Variants in SRP54 observed in about 807,000 individuals in gnomAD.
SRP54 encodes the protein signal recognition particle 54.
In SRP54, 10 loss-of-function variants were observed where a neutral mutation model predicts 64.8. That is an observed-to-expected ratio of 0.15 (90% CI 0.10 to 0.26). The LOEUF (loss-of-function observed/expected upper bound fraction) is 0.26, where lower values mean the gene tolerates loss of function less well. SRP54 is among the 10% of genes least tolerant of loss of function. The pLI is 1.00. For synonymous variants in SRP54, 193 were observed against 185.6 expected, an observed-to-expected ratio of 1.04 and a Z score of -0.32; for missense variants, 325 against 613.7, an observed-to-expected ratio of 0.53 and a Z score of 4.97.
rs142611015 is a variant in SRP54, at chr14:35,027,462, A to T, written c.1328-626A>T. Reference sequence around the variant, plus strand: ...TAAGCCGTTGTTATAGCTTACTATTAAAAACTGCTGGCTGACCAGGTACGG... The same window carrying T: ...TAAGCCGTTGTTATAGCTTACTATTTAAAACTGCTGGCTGACCAGGTACGG... On this transcript the variant is annotated intron_variant, in intron 14 of 15. Coordinates refer to ENST00000216774, the MANE Select transcript of SRP54 (RefSeq NM_003136.4). 1.4e-4 allele frequency among the ~76,000 whole-genome samples: 22 copies of T among 152,268 alleles called. No individual in the cohort carries two copies. The East Asian group carries it at 4.3e-3, about 29-fold the overall frequency.
intron 1 of SRP54, among the ~76,000 whole-genome samples, chr14:34,995,560 A>G (rs1003560630): frequency 6.6e-6 from 1 of 152,102 alleles, no homozygotes; most frequent in Non-Finnish European, 1.5e-5. Flanking sequence ...TACAAATCAT[A>G]TTTGCTTGTT....
rs769542389 is a variant in SRP54, at chr14:35,014,843, C to CA, written c.973+19dup. On this transcript the variant is annotated intron_variant, in intron 11 of 15. Coordinates refer to ENST00000216774, the MANE Select transcript of SRP54 (RefSeq NM_003136.4). The stretch of plus-strand genomic sequence containing the variant: ...AAGTTGAAACATGGTATATGAGTGA[C>CA]AAAAAAGCACTTCATCTCAGATTTC... 1 of 1,568,398 alleles carries CA rather than the reference C, an allele frequency of 6.4e-7. No homozygotes were observed. Among genetic ancestry groups the CA allele is most frequent in the South Asian group, 1.2e-5 (1 of 85,736 alleles).
chr14:34,997,051 T>C, intron 2 of SRP54: 1 of 325,882 alleles, frequency 3.1e-6, no homozygotes, highest in Non-Finnish European at 5.6e-6. Context: ...ATAACATATT[T>C]TATCTTTTGA....
chr14:35,011,617 A>G lies in SRP54; in HGVS notation c.594A>G (p.Glu198=), dbSNP rs2044359118. The part of the protein sequence containing the change: ...IVDTSGRHKQ[E]DSLFEEMLQV... Reference sequence around the variant, plus strand: ...ATACAAGTGGCCGCCACAAACAAGAAGACTCTTTGTTTGAAGAAATGCTTC... The same window carrying G: ...ATACAAGTGGCCGCCACAAACAAGAGGACTCTTTGTTTGAAGAAATGCTTC... Residue 198 remains glutamate (E), a synonymous_variant, in exon 8 of 16, where the codon GAA becomes GAG. Coordinates refer to ENST00000216774, the MANE Select transcript of SRP54 (RefSeq NM_003136.4). The G allele has an allele frequency of 6.3e-7, 1 of 1,590,638 alleles. No homozygotes were observed. The highest frequency in any genetic ancestry group is 8.6e-7 in the Non-Finnish European group (1 of 1,165,648).
intron 1 of SRP54, among the ~76,000 whole-genome samples, chr14:34,990,298 C>T (rs945680805): frequency 3.9e-5 from 6 of 152,156 alleles, no homozygotes; most frequent in Non-Finnish European, 7.3e-5. Flanking sequence ...GTGATTTCTT[C>T]TATTATAGCA....
intron 14 of SRP54, chr14:35,027,721 A>C (rs932387931): frequency 1.3e-5 from 2 of 153,954 alleles, no homozygotes; most frequent in African/African-American, 4.8e-5. Flanking sequence ...ACGCCACTGC[A>C]CTCTAGCCTG....
intron 10 of SRP54, 46 bp downstream of exon 10, chr14:35,013,948 T>C (rs935945034): frequency 7.5e-7 from 1 of 1,328,956 alleles, no homozygotes; most frequent in Admixed American, 1.9e-5. Context: ...AGAAATACGA[T>C]GTATCTTTAG....
At chr14:34,992,685 G>T (rs1367567225) in intron 1 of SRP54, among the ~76,000 whole-genome samples, 1 of 151,914 alleles carries the variant, frequency 6.6e-6, no homozygotes, top group Admixed American at 6.6e-5. Context: ...GTACCTCTTG[G>T]GTTCAAGGTT....
chr14:35,010,800 A>C (rs1042704947), intron 7 of SRP54, among the ~76,000 whole-genome samples: 2 of 152,198 alleles, frequency 1.3e-5, no homozygotes, highest in African/African-American at 4.8e-5. Flanking sequence ...AATTAAAAAA[A>C]AAATTGGAAA....
chr14:35,021,673 A>T (rs1384401381), intron 13 of SRP54, among the ~76,000 whole-genome samples: 1 of 152,116 alleles, frequency 6.6e-6, no homozygotes, highest in East Asian at 1.9e-4. Flanking sequence ...TTTTATGCGT[A>T]GCAAGGAGAC....
Position 34,995,136 on chromosome 14 carries a change from T to G in SRP54, c.-33-1541T>G, listed in dbSNP as rs1214613601. On this transcript the variant is annotated intron_variant, in intron 1 of 15. Coordinates refer to ENST00000216774, the MANE Select transcript of SRP54 (RefSeq NM_003136.4). ...CCAGAGAAGCAGAATCAATAAAGGG[T>G]GTGTGTGTGTGTGTGTGTGTGTGTG... 3.8e-3 allele frequency among the ~76,000 whole-genome samples: 66 copies of G among 17,500 alleles called. 2 individuals carry two copies. The highest frequency in any genetic ancestry group is 8.4e-3 in the African/African-American group (44 of 5,224). The allele number at this position is 17,500 out of a possible 152,430, so 11.5% of individuals were successfully genotyped here.
At chr14:35,011,962 T>C (rs1595002259) in intron 8 of SRP54, among the ~76,000 whole-genome samples, 1 of 152,190 alleles carries the variant, frequency 6.6e-6, no homozygotes, top group Non-Finnish European at 1.5e-5. Context: ...CTCACATCTA[T>C]AATCCCAGCA....
intron 10 of SRP54, among the ~76,000 whole-genome samples, chr14:35,014,236 C>T (rs1398149689): frequency 6.7e-6 from 1 of 148,526 alleles, no homozygotes; most frequent in Non-Finnish European, 1.5e-5. Flanking sequence ...AAACCCTGGG[C>T]TGCAGTCCTT....
At position 35,013,696 on chromosome 14, in the gene SRP54, A is replaced by G. The variant is rs898018052; in HGVS notation, c.786-106A>G. The G allele has an allele frequency of 5.5e-5, 62 of 1,132,592 alleles. No individual in the cohort carries two copies. In the African/African-American group the frequency reaches 8.2e-4, roughly 15 times the overall value. The allele number at this position is 1,132,592 out of a possible 1,614,324, so 70.2% of individuals were successfully genotyped here. On this transcript the variant is annotated intron_variant, in intron 9 of 15. Coordinates refer to ENST00000216774, the MANE Select transcript of SRP54 (RefSeq NM_003136.4). ...TTGTGAAATGAAACTTGAGTTTTGT[A>G]CCTTTGTCTAATTAGCTTTGGAGGC...
rs761064383 is a variant in SRP54 at position 35,011,044 on chromosome 14, A to G, written c.486-465A>G. Among the ~76,000 whole-genome samples the G allele has an allele frequency of 3.2e-4, 49 of 151,886 alleles. 1 individual carries two copies. The highest frequency in any genetic ancestry group is 6.8e-3 in the Middle Eastern group (2 of 292). Reference sequence around the variant, plus strand: ...TGGACTCAAGTGGTCCTCCTGCCTCAGTCTCCCAAGTGGCTGGGACTATAG... The same window carrying G: ...TGGACTCAAGTGGTCCTCCTGCCTCGGTCTCCCAAGTGGCTGGGACTATAG... On this transcript the variant is annotated intron_variant, in intron 7 of 15. Coordinates refer to ENST00000216774, the MANE Select transcript of SRP54 (RefSeq NM_003136.4).
intron 13 of SRP54, among the ~76,000 whole-genome samples, 162 bp from the exon 14 acceptor site, chr14:35,022,748 T>C (rs1323027674): frequency 1.3e-5 from 2 of 152,226 alleles, no homozygotes; most frequent in Non-Finnish European, 2.9e-5. Flanking sequence ...TATGTCTGTT[T>C]TTCTGTATGT....
intron 2 of SRP54, among the ~76,000 whole-genome samples, chr14:34,998,971 GTA>G (rs200909278): frequency 0.24 from 23,620 of 100,484 alleles, 3,452 homozygotes; most frequent in Non-Finnish European, 0.34. Flanking sequence ...TACTTTGTGT[GTA>G]TGTGTGTGTG....
chr14:35,018,889 A>G, intron 12 of SRP54, 77 bp from the exon 13 acceptor site: 1 of 1,437,420 alleles, frequency 7.0e-7, no homozygotes, highest in Non-Finnish European at 9.7e-7. Context: ...GTCAATATTA[A>G]ACCTAATAGT....
intron 11 of SRP54, among the ~76,000 whole-genome samples, chr14:35,016,784 A>G (rs543537492): frequency 3.3e-5 from 5 of 152,024 alleles, no homozygotes; most frequent in Admixed American, 3.3e-4. Context: ...GGCCTTCAGC[A>G]ACTATTGAAT....
Sources: allele counts gnomAD v4.1 joint callset (sites outside exome capture counted in the v4.1 genomes callset), GRCh38; gene constraint gnomAD v4.1.1; transcripts MANE v1.5; gene names NCBI Gene and HGNC (gene_info 2026-07-23, HGNC 2026-07-21).